Variants in UNC13C observed in about 807,000 individuals in gnomAD.
The protein encoded by UNC13C is unc-13 homolog C.
UNC13C carries 174 observed loss-of-function variants against 245.4 expected under a neutral mutation model. That is an observed-to-expected ratio of 0.71 (90% CI 0.63 to 0.80). UNC13C has a LOEUF of 0.80. UNC13C is among the 30% of genes least tolerant of loss of function. The probability of loss-of-function intolerance (pLI) is 0.00; values close to 1 mark genes in which losing one functional copy is unlikely to be tolerated. For synonymous variants in UNC13C, 992 were observed against 895.1 expected (o/e 1.11, Z -1.93); for missense variants, 2,829 against 2,602.9 (o/e 1.09, Z -1.89).
the UNC13C span, among the ~76,000 whole-genome samples, chr15:53,929,984 T>C: frequency 2.0e-5 from 3 of 152,176 alleles, no homozygotes. Flanking sequence ...AGGCTGAAAA[T>C]GACAATGGTT....
intron 4 of UNC13C, among the ~76,000 whole-genome samples, chr15:54,158,477 G>A (rs1281708818): frequency 6.6e-6 from 1 of 151,804 alleles, no homozygotes; most frequent in East Asian, 1.9e-4. Context: ...CCGCCACCAT[G>A]CCCAGCTAAT....
chr15:54,193,145 G>A (rs986590984), intron 4 of UNC13C, among the ~76,000 whole-genome samples: 2 of 152,072 alleles, frequency 1.3e-5, no homozygotes, highest in African/African-American at 4.8e-5. Flanking sequence ...AAAGTACTAA[G>A]TGAGATGATA....
intron 2 of UNC13C, among the ~76,000 whole-genome samples, chr15:54,137,920 G>A (rs1324256905): frequency 1.3e-5 from 2 of 151,632 alleles, no homozygotes; most frequent in African/African-American, 4.8e-5. Context: ...AATTTAGGTT[G>A]TTTATTTGAG....
chr15:54,237,810 G>C, intron 7 of UNC13C, 120 bp downstream of exon 7: 2 of 821,784 alleles, frequency 2.4e-6, no homozygotes, highest in Admixed American at 4.9e-5. Flanking sequence ...GAAATAACTG[G>C]GAGCATGAGG....
chr15:54,007,626 G>A (rs1015984958), intron 1 of UNC13C, among the ~76,000 whole-genome samples: 1 of 152,178 alleles, frequency 6.6e-6, no homozygotes, highest in Non-Finnish European at 1.5e-5. Context: ...GGGTTGTGGG[G>A]AGGTAGAGCA....
chr15:54,510,693 T>A (rs975908180), intron 23 of UNC13C, among the ~76,000 whole-genome samples: 1 of 152,150 alleles, frequency 6.6e-6, no homozygotes, highest in Non-Finnish European at 1.5e-5. Flanking sequence ...TTTCCACTGA[T>A]AAGAGCTAAC....
chr15:54,322,113 A>G lies in UNC13C; in HGVS notation c.4425+18A>G. 6.5e-7 allele frequency: 1 copy of G among 1,533,882 alleles called. No homozygotes were observed. The highest frequency in any genetic ancestry group is 1.4e-5 in the African/African-American group (1 of 71,776). ...ACTTTGGTGTAAGTATAATTTTTTA[A>G]ACTTTAAAATTCCTAGCAGCTTATG... On this transcript the variant is annotated intron_variant, in intron 14 of 32. Coordinates refer to ENST00000260323, the MANE Select transcript of UNC13C (RefSeq NM_001080534.3).
chr15:54,129,527 T>A (rs980673513), intron 2 of UNC13C, among the ~76,000 whole-genome samples: 3 of 152,168 alleles, frequency 2.0e-5, no homozygotes, highest in Non-Finnish European at 2.9e-5. Flanking sequence ...ATAGGGAGAA[T>A]TTTCTACTGA....
intron 23 of UNC13C, among the ~76,000 whole-genome samples, chr15:54,510,491 A>C (rs1894685802): frequency 7.0e-6 from 1 of 142,658 alleles, no homozygotes; most frequent in African/African-American, 3.1e-5. Context: ...TCAGCTAATT[A>C]AAACAGAATC....
chr15:54,556,739 A>G (rs1486502915), intron 29 of UNC13C, among the ~76,000 whole-genome samples: 4 of 42,792 alleles, frequency 9.3e-5, no homozygotes, highest in African/African-American at 1.6e-4. Context: ...ATAAAAGGAC[A>G]TGCTAGTAGA....
At chr15:54,042,576 G>A (rs1193002683) in intron 2 of UNC13C, among the ~76,000 whole-genome samples, 3 of 152,240 alleles carry the variant, frequency 2.0e-5, no homozygotes, top group African/African-American at 4.8e-5. Context: ...TACTGAGGCC[G>A]GGTGTGGTGG....
chr15:54,371,901 A>G (rs1340461469), intron 17 of UNC13C, among the ~76,000 whole-genome samples: 1 of 152,194 alleles, frequency 6.6e-6, no homozygotes, highest in African/African-American at 2.4e-5. Flanking sequence ...AATTCTACTC[A>G]TAAGAACAAT....
chr15:54,110,204 C>T (rs1269400851), intron 2 of UNC13C, among the ~76,000 whole-genome samples: 1 of 151,750 alleles, frequency 6.6e-6, no homozygotes, highest in Non-Finnish European at 1.5e-5. Context: ...TGCATGAACC[C>T]AGGAGGCAGA....
At chr15:54,448,045 C>T (rs981319129) in intron 19 of UNC13C, among the ~76,000 whole-genome samples, 8 of 152,286 alleles carry the variant, frequency 5.3e-5, no homozygotes, top group African/African-American at 9.6e-5. Flanking sequence ...AGTAGTCATT[C>T]AGGAGCAGGT....
chr15:53,879,489 T>A, the UNC13C span, among the ~76,000 whole-genome samples: 1 of 152,208 alleles, frequency 6.6e-6, no homozygotes, highest in African/African-American at 2.4e-5. Context: ...ATCAAATGCA[T>A]GTATGGAAAT....
intron 2 of UNC13C, among the ~76,000 whole-genome samples, chr15:54,077,469 C>G (rs994829064): frequency 7.0e-6 from 1 of 143,806 alleles, no homozygotes; most frequent in African/African-American, 2.6e-5. Context: ...ACCTCTGCCT[C>G]CCAGGTTCAA....
chr15:54,202,405 C>A (rs915242083), intron 4 of UNC13C, among the ~76,000 whole-genome samples: 7 of 152,056 alleles, frequency 4.6e-5, no homozygotes, highest in African/African-American at 1.7e-4. Flanking sequence ...CATCACATTA[C>A]CCAAATTCAA....
intron 2 of UNC13C, among the ~76,000 whole-genome samples, chr15:54,080,435 G>T (rs1269972008): frequency 2.6e-5 from 4 of 151,988 alleles, no homozygotes; most frequent in Non-Finnish European, 5.9e-5. Context: ...ATGTGGCTAT[G>T]AATCCATCTG....
the UNC13C span, among the ~76,000 whole-genome samples, chr15:53,952,181 G>T: frequency 6.6e-6 from 1 of 152,128 alleles, no homozygotes; most frequent in East Asian, 1.9e-4. Flanking sequence ...TAAAGAGTAG[G>T]GATTCTGAAG....
Sources: allele counts gnomAD v4.1 joint callset (sites outside exome capture counted in the v4.1 genomes callset), GRCh38; gene constraint gnomAD v4.1.1; transcripts MANE v1.5; gene names NCBI Gene and HGNC (gene_info 2026-07-23, HGNC 2026-07-21).